PPP1R1C: variants seen among roughly 807,000 people sequenced by gnomAD.
The protein encoded by PPP1R1C is protein phosphatase 1 regulatory inhibitor subunit 1C.
In PPP1R1C, 15 loss-of-function variants were observed where a neutral mutation model predicts 17.4. The observed-to-expected ratio is 0.86, with a 90% CI of 0.58 to 1.33. PPP1R1C has a LOEUF of 1.33. PPP1R1C is among the 40% of genes most tolerant of loss of function. The pLI, the probability that PPP1R1C is intolerant of heterozygous loss-of-function variation, is 0.00. For missense variants in PPP1R1C, 143 were observed against 130.0 expected (o/e 1.10, Z -0.48); for synonymous variants, 35 against 43.1 (o/e 0.81, Z 0.73).
chr2:182,020,711 G>A (rs7588817), intron 2 of PPP1R1C, among the ~76,000 whole-genome samples: 6,309 of 152,096 alleles, frequency 0.041, 443 homozygotes, highest in African/African-American at 0.14. Context: ...GCTTTTTAAA[G>A]TGAGTAGGAG....
At chr2:182,130,987 C>A (rs1689994117), downstream of PPP1R1C, 1 of 152,186 alleles carries the variant, frequency 6.6e-6, no homozygotes, top group African/African-American at 2.4e-5. Context: ...TTAATTGGAA[C>A]TGGTTAGTAC....
chr2:182,039,100 C>T (rs1401934368), intron 2 of PPP1R1C, among the ~76,000 whole-genome samples: 2 of 152,080 alleles, frequency 1.3e-5, no homozygotes, highest in Admixed American at 1.3e-4. Context: ...TCTATTTGTC[C>T]ATAATATTGC....
At chr2:182,029,274 T>C (rs1686736114) in intron 2 of PPP1R1C, among the ~76,000 whole-genome samples, 2 of 151,806 alleles carry the variant, frequency 1.3e-5, no homozygotes, top group Non-Finnish European at 2.9e-5. Context: ...GCTGGTTATT[T>C]TGCTCGTTAG....
chr2:182,117,440 A>G lies in PPP1R1C; in HGVS notation c.*145A>G. The G allele has an allele frequency of 1.7e-6, 1 of 591,636 alleles. No homozygotes were observed. The highest frequency in any genetic ancestry group is 3.0e-6 in the Non-Finnish European group (1 of 334,894). 36.6% of individuals were successfully genotyped at this position (591,636 alleles called of 1,614,324 possible). A position where few individuals can be genotyped will look rare whatever the true frequency, so the allele number is the denominator to read the frequency against. On this transcript the variant is annotated 3_prime_UTR_variant, in exon 5 of 5. Coordinates refer to ENST00000682840, the MANE Select transcript of PPP1R1C (RefSeq NM_001080545.3). The stretch of plus-strand genomic sequence containing the variant: ...CATACAGTAGCTATGCACATCCTGG[A>G]AGTCTCCTTGACTGAACTTTAGAAC...
intron 2 of PPP1R1C, among the ~76,000 whole-genome samples, chr2:182,041,455 A>G (rs1687179510): frequency 6.6e-6 from 1 of 151,994 alleles, no homozygotes; most frequent in South Asian, 2.1e-4. Flanking sequence ...CTAAAAATAC[A>G]AAAATTAGCC....
At chr2:182,111,029 A>G (rs1487355288) in intron 4 of PPP1R1C, among the ~76,000 whole-genome samples, 1 of 151,976 alleles carries the variant, frequency 6.6e-6, no homozygotes, top group Non-Finnish European at 1.5e-5. Context: ...CATTTTTAAA[A>G]AGAGAGAGAG....
chr2:182,075,053 T>G (rs917213034), intron 4 of PPP1R1C, among the ~76,000 whole-genome samples: 4 of 152,246 alleles, frequency 2.6e-5, no homozygotes, highest in African/African-American at 9.6e-5. Flanking sequence ...AATTGCTATG[T>G]GCACAATATA....
At chr2:182,032,431 A>T (rs1283265513) in intron 2 of PPP1R1C, among the ~76,000 whole-genome samples, 1 of 152,080 alleles carries the variant, frequency 6.6e-6, no homozygotes, top group Non-Finnish European at 1.5e-5. Context: ...CATATAATTA[A>T]CTTATTTATT....
At chr2:182,042,629 G>A (rs1687219599) in intron 2 of PPP1R1C, among the ~76,000 whole-genome samples, 1 of 152,196 alleles carries the variant, frequency 6.6e-6, no homozygotes, top group Admixed American at 6.5e-5. Flanking sequence ...GGAGAAAGAG[G>A]AAAGATGCAT....
Position 182,055,440 on chromosome 2 carries a change from C to A in PPP1R1C, c.143-6002C>A, listed in dbSNP as rs181571118. 5.2e-3 allele frequency among the ~76,000 whole-genome samples: 788 copies of A among 152,238 alleles called. 26 individuals carry two copies. The highest frequency in any genetic ancestry group is 0.048 in the Admixed American group (731 of 15,290). On this transcript the variant is annotated intron_variant, in intron 2 of 4. Coordinates refer to ENST00000682840, the MANE Select transcript of PPP1R1C (RefSeq NM_001080545.3). ...CATTTTTGCTTTTTCCATTATTCTT[C>A]TTTTCTTCCTGGTGTTCTAAGACTC...
chr2:181,971,440 T>C (rs113327029), intron 1 of PPP1R1C, among the ~76,000 whole-genome samples: 2,262 of 152,198 alleles, frequency 0.015, 49 homozygotes, highest in African/African-American at 0.051. Flanking sequence ...GGTATCCAAG[T>C]TGCAAGACAA....
chr2:182,124,399 C>T (rs557002162), intron 5 of PPP1R1C, among the ~76,000 whole-genome samples: 3 of 95,084 alleles, frequency 3.2e-5, no homozygotes, highest in African/African-American at 1.2e-4. Flanking sequence ...GGTTCCATAT[C>T]AAGTTTAAAG....
intron 2 of PPP1R1C, among the ~76,000 whole-genome samples, chr2:182,051,914 T>C (rs545626419): frequency 1.3e-5 from 2 of 152,004 alleles, no homozygotes; most frequent in African/African-American, 4.8e-5. Context: ...GGCAGGAGAA[T>C]TGCTTGAACC....
chr2:181,967,341 G>C lies in PPP1R1C; in HGVS notation n.112-7878G>C, dbSNP rs185196616. Among the ~76,000 whole-genome samples, 5 of 151,656 alleles carry C rather than the reference G, an allele frequency of 3.3e-5. No homozygotes were observed. The highest frequency in any genetic ancestry group is 1.3e-4 in the Admixed American group (2 of 15,254). On this transcript the variant is annotated intron_variant and non_coding_transcript_variant, in intron 1 of 5. Transcript: ENST00000464264. The surrounding 1 kb of genome is among the most constrained non-coding windows in gnomAD (Gnocchi z 5.5). ...GGTTTTTTTTCTTGTACTAATTTTGGGTTTGGTTTGCTCTTGATTTTCTAC... is the reference window on the plus strand; with the variant it reads ...GGTTTTTTTTCTTGTACTAATTTTGCGTTTGGTTTGCTCTTGATTTTCTAC...
chr2:182,029,945 C>G (rs1425326280), intron 2 of PPP1R1C, among the ~76,000 whole-genome samples: 2 of 68,480 alleles, frequency 2.9e-5, no homozygotes, highest in Admixed American at 1.8e-4. Flanking sequence ...CTTCCCTTCT[C>G]GCTTCATTTC....
intron 2 of PPP1R1C, among the ~76,000 whole-genome samples, chr2:182,031,463 A>T (rs1559064418): frequency 6.6e-6 from 1 of 152,220 alleles, no homozygotes; most frequent in African/African-American, 2.4e-5. Flanking sequence ...AAGTAAAAAA[A>T]TTTAAATCAT....
At chr2:182,078,070 C>T (rs1339096864) in intron 4 of PPP1R1C, among the ~76,000 whole-genome samples, 2 of 152,094 alleles carry the variant, frequency 1.3e-5, no homozygotes, top group African/African-American at 4.8e-5. Context: ...GTCCCAGCTA[C>T]TCCGGAGTCT....
At position 182,078,281 on chromosome 2, in the gene PPP1R1C, TACTC is replaced by T. The variant is rs561307411; in HGVS notation, c.241+14493_241+14496del. ...ATGATTATTAAATTGTGAGCCACCT[TACTC>T]ACCATCTGTCTTTAATCATCCAAGC... On this transcript the variant is annotated intron_variant, in intron 4 of 4. Transcript: ENST00000682840. Among the ~76,000 whole-genome samples, 502 of 152,328 alleles carry T rather than the reference TACTC, an allele frequency of 3.3e-3. 4 individuals are homozygous for T. Among genetic ancestry groups the T allele is most frequent in the Non-Finnish European group, 3.1e-3 (210 of 68,020 alleles).
rs1684778436 is a variant in PPP1R1C at position 181,961,284 on chromosome 2, G to A, written n.111+6650G>A. ...GTGGTCTTTGGATGGTTTGCATGGA[G>A]TTGCTGTTGTCCAGGGCATCACCAA... On this transcript the variant is annotated intron_variant and non_coding_transcript_variant, in intron 1 of 5. Coordinates refer to the PPP1R1C transcript ENST00000464264. This position sits in a 1 kb window ranked among gnomAD's most constrained non-coding sequence, Gnocchi z 5.8. 2 of 744,804 alleles carry A rather than the reference G, an allele frequency of 2.7e-6. No individual in the cohort carries two copies. The highest frequency in any genetic ancestry group is 5.0e-5 in the East Asian group (2 of 40,298). 46.1% of individuals were successfully genotyped at this position (744,804 alleles called of 1,614,324 possible). A position where few individuals can be genotyped will look rare whatever the true frequency, so the allele number is the denominator to read the frequency against.
Sources: allele counts gnomAD v4.1 joint callset (sites outside exome capture counted in the v4.1 genomes callset), GRCh38; gene constraint gnomAD v4.1.1; non-coding constraint Gnocchi (gnomAD v3.1); transcripts MANE v1.5; gene names NCBI Gene and HGNC (gene_info 2026-07-23, HGNC 2026-07-21).